Variants in GRB10 observed in about 807,000 individuals in gnomAD.
GRB10 encodes the protein growth factor receptor bound protein 10.
GRB10 carries 20 observed loss-of-function variants against 80.9 expected under a neutral mutation model. That is an observed-to-expected ratio of 0.25 (90% confidence interval 0.17 to 0.36). The LOEUF (loss-of-function observed/expected upper bound fraction) is 0.36, where lower values mean the gene tolerates loss of function less well. Ranked by LOEUF, GRB10 falls within the 10% of genes least tolerant of loss-of-function variation. GRB10 has a pLI of 1.00. For synonymous variants in GRB10, 291 were observed against 291.5 expected, an observed-to-expected ratio of 1.00 and a Z score of 0.02; for missense variants, 548 against 747.7, an observed-to-expected ratio of 0.73 and a Z score of 3.12.
At chr7:50,774,912 G>A (rs570350017) in intron 2 of GRB10, among the ~76,000 whole-genome samples, 2 of 151,858 alleles carry the variant, frequency 1.3e-5, no homozygotes, top group South Asian at 4.2e-4. Context: ...CGGAGGTTGA[G>A]GCGGCCGGAC....
intron 4 of GRB10, among the ~76,000 whole-genome samples, chr7:50,707,558 A>T (rs1179020514): frequency 6.6e-6 from 1 of 152,228 alleles, no homozygotes; most frequent in Non-Finnish European, 1.5e-5. Context: ...CAAACATCAA[A>T]ACAGTTTCAA....
intron 7 of GRB10, among the ~76,000 whole-genome samples, chr7:50,643,254 TG>T (rs1424601137): frequency 6.6e-6 from 1 of 152,106 alleles, no homozygotes; most frequent in Non-Finnish European, 1.5e-5. Flanking sequence ...CCATGTACAC[TG>T]GGGAAAGACT....
intron 4 of GRB10, 116 bp from the exon 5 acceptor site, chr7:50,704,024 A>C: frequency 1.4e-6 from 1 of 700,554 alleles, no homozygotes; most frequent in Non-Finnish European, 2.6e-6. Flanking sequence ...CTTCCTTTCC[A>C]CTTACTTACT....
chr7:50,741,543 CAT>C (rs1483691193), intron 3 of GRB10, among the ~76,000 whole-genome samples: 2 of 121,404 alleles, frequency 1.6e-5, no homozygotes, highest in African/African-American at 3.3e-5. Flanking sequence ...AAATTAGGAA[CAT>C]GTGTTTAAAA....
chr7:50,706,819 A>G (rs2065096964), intron 4 of GRB10, among the ~76,000 whole-genome samples: 1 of 152,140 alleles, frequency 6.6e-6, no homozygotes, highest in Admixed American at 6.5e-5. Flanking sequence ...AGTTACCTGG[A>G]TTCTCTGAGT....
At position 50,637,476 on chromosome 7, in the gene GRB10, C is replaced by A. The variant is rs376438215; in HGVS notation, c.505-10498G>T. Among the ~76,000 whole-genome samples the A allele has an allele frequency of 4.6e-5, 7 of 151,970 alleles. No individual in the cohort carries two copies. The East Asian group carries it at 5.8e-4, about 13-fold the overall frequency. Reference sequence around the variant, plus strand: ...CAACATACATACACATAATACGTAACAATACATCTAACCAAGGAGGTGAAA... The same window carrying A: ...CAACATACATACACATAATACGTAAAAATACATCTAACCAAGGAGGTGAAA... On this transcript the variant is annotated intron_variant, in intron 7 of 18. Transcript: ENST00000401949.
chr7:50,701,903 A>G (rs1237117707), intron 5 of GRB10, among the ~76,000 whole-genome samples: 2 of 151,094 alleles, frequency 1.3e-5, no homozygotes, highest in East Asian at 3.9e-4. Flanking sequence ...TTTCAAAGCC[A>G]TGGTCACACT....
At chr7:50,645,221 G>C (rs981045917) in intron 7 of GRB10, among the ~76,000 whole-genome samples, 1 of 152,066 alleles carries the variant, frequency 6.6e-6, no homozygotes, top group African/African-American at 2.4e-5. Flanking sequence ...TTTTTAAAAA[G>C]CAAGCTTACA....
chr7:50,729,426 T>C (rs2069234661), intron 4 of GRB10: 1 of 152,220 alleles, frequency 6.6e-6, no homozygotes, highest in Non-Finnish European at 1.5e-5. Flanking sequence ...GTTGCTTTTA[T>C]TTACCATAAT....
chr7:50,755,985 C>G lies in GRB10; in HGVS notation c.-145G>C, dbSNP rs947238383. 1 of 398,880 alleles carries G rather than the reference C, an allele frequency of 2.5e-6. No individual in the cohort carries two copies. The highest frequency in any genetic ancestry group is 4.4e-6 in the Non-Finnish European group (1 of 226,292). 24.7% of individuals were successfully genotyped at this position (398,880 alleles called of 1,614,324 possible). A position where few individuals can be genotyped will look rare whatever the true frequency, so the allele number is the denominator to read the frequency against. On this transcript the variant is annotated 5_prime_UTR_variant, in exon 3 of 19. Coordinates refer to ENST00000401949, the MANE Select transcript of GRB10 (RefSeq NM_001350814.2). The stretch of plus-strand genomic sequence containing the variant: ...GACCTGGCTGCCGGTCACTGGGCTG[C>G]TGGTCACTGAGCTACCAGTCACTGG...
At chr7:50,674,385 C>A (rs759022824) in intron 6 of GRB10, 51 bp downstream of exon 6, 9 of 1,541,800 alleles carry the variant, frequency 5.8e-6, no homozygotes, top group Non-Finnish European at 8.0e-6. Context: ...AGTGTCCCTG[C>A]CGACAGCTCT....
intron 4 of GRB10, among the ~76,000 whole-genome samples, chr7:50,725,490 A>G (rs1024827552): frequency 2.6e-5 from 4 of 152,234 alleles, no homozygotes; most frequent in Non-Finnish European, 5.9e-5. Flanking sequence ...CACAGCAGGT[A>G]AGTTTTGGTT....
At chr7:50,696,847 C>T (rs912469846) in intron 5 of GRB10, among the ~76,000 whole-genome samples, 14 of 152,196 alleles carry the variant, frequency 9.2e-5, no homozygotes, top group Non-Finnish European at 1.3e-4. Flanking sequence ...GGAACTCAGA[C>T]CCTTGTATGT....
At chr7:50,766,388 C>T (rs2076340666) in intron 2 of GRB10, among the ~76,000 whole-genome samples, 1 of 152,178 alleles carries the variant, frequency 6.6e-6, no homozygotes, top group South Asian at 2.1e-4. Context: ...TCTGGAAATA[C>T]TGAAAGACTT....
intron 2 of GRB10, among the ~76,000 whole-genome samples, chr7:50,766,311 C>T (rs544402419): frequency 1.3e-5 from 2 of 152,298 alleles, no homozygotes; most frequent in African/African-American, 4.8e-5. Flanking sequence ...CACAATGAGG[C>T]TATTAAGTGC....
intron 12 of GRB10, 107 bp downstream of exon 12, chr7:50,614,663 T>C (rs2050201891): frequency 2.5e-6 from 2 of 797,692 alleles, no homozygotes; most frequent in South Asian, 2.7e-5. Flanking sequence ...GAAACTATGT[T>C]TCTGTTGAAG....
chr7:50,654,902 T>C (rs1466210728), intron 7 of GRB10, among the ~76,000 whole-genome samples: 1 of 152,164 alleles, frequency 6.6e-6, no homozygotes, highest in Non-Finnish European at 1.5e-5. Context: ...ATACTACCAT[T>C]AGCTAATTTA....
At chr7:50,771,523 G>A (rs554935357) in intron 2 of GRB10, among the ~76,000 whole-genome samples, 4 of 152,282 alleles carry the variant, frequency 2.6e-5, no homozygotes, top group African/African-American at 4.8e-5. Flanking sequence ...CCAGCAGGAC[G>A]GACTGCCCCC....
intron 2 of GRB10, among the ~76,000 whole-genome samples, chr7:50,760,121 A>G (rs768960131): frequency 6.6e-6 from 1 of 152,224 alleles, no homozygotes; most frequent in African/African-American, 2.4e-5. Context: ...CCAGAAGCAC[A>G]GGGAGGTCAG....
Sources: gnomAD v4.1 joint callset for allele counts (sites outside exome capture counted in the v4.1 genomes callset) on GRCh38, gnomAD v4.1.1 for gene constraint, MANE v1.5 for transcripts, NCBI Gene and HGNC (gene_info 2026-07-23, HGNC 2026-07-21) for gene names.